SCAPER: variants seen among roughly 807,000 people sequenced by gnomAD.
SCAPER encodes the protein S-phase cyclin A associated protein in the ER.
SCAPER carries 98 observed loss-of-function variants against 182.2 expected under a neutral mutation model. The observed-to-expected ratio is 0.54, with a 90% confidence interval of 0.46 to 0.64. The LOEUF is 0.64. Among genes scored for constraint, SCAPER ranks in the 30% least tolerant of loss-of-function variants. The probability of loss-of-function intolerance (pLI) is 0.00; values close to 1 mark genes in which losing one functional copy is unlikely to be tolerated. For synonymous variants in SCAPER, 605 were observed against 564.6 expected, an observed-to-expected ratio of 1.07 and a Z score of -1.01; for missense variants, 1,432 against 1,690.0, an observed-to-expected ratio of 0.85 and a Z score of 2.68.
chr15:76,361,298 C>T lies in SCAPER; in HGVS notation c.3856-7158G>A, dbSNP rs58240508. On this transcript the variant is annotated intron_variant, in intron 29 of 31. Coordinates refer to ENST00000563290, the MANE Select transcript of SCAPER (RefSeq NM_020843.4). The stretch of plus-strand genomic sequence containing the variant: ...AGTCAAGAACGTGAAAAGAAGCAAG[C>T]GGGCCTTTCAGCAGAGAGATGAGTC... Among the ~76,000 whole-genome samples the T allele has an allele frequency of 3.6e-3, 552 of 152,272 alleles. 2 individuals carry two copies. Among genetic ancestry groups the T allele is most frequent in the African/African-American group, 0.013 (524 of 41,546 alleles).
intron 23 of SCAPER, among the ~76,000 whole-genome samples, chr15:76,553,564 G>A (rs924395671): frequency 2.0e-5 from 3 of 152,092 alleles, no homozygotes; most frequent in African/African-American, 7.2e-5. Context: ...ACTTTGGCTG[G>A]CACAACCCGA....
chr15:76,673,674 C>A (rs977037936), intron 20 of SCAPER, among the ~76,000 whole-genome samples: 8 of 152,198 alleles, frequency 5.3e-5, no homozygotes, highest in Middle Eastern at 3.4e-3. Context: ...AACCCAGTAG[C>A]AATGAGCATC....
At chr15:76,397,085 T>A (rs985593850) in intron 27 of SCAPER, among the ~76,000 whole-genome samples, 1 of 151,686 alleles carries the variant, frequency 6.6e-6, no homozygotes, top group African/African-American at 2.4e-5. Flanking sequence ...CCTGAAATGA[T>A]CATTTAGTTT....
intron 15 of SCAPER, among the ~76,000 whole-genome samples, chr15:76,733,992 A>G (rs2061083098): frequency 6.6e-6 from 1 of 152,254 alleles, no homozygotes; most frequent in Admixed American, 6.5e-5. Context: ...AAATTCTTAT[A>G]CAGACCATCT....
At chr15:76,781,315 G>A (rs535051614) in intron 8 of SCAPER, among the ~76,000 whole-genome samples, 5 of 152,196 alleles carry the variant, frequency 3.3e-5, no homozygotes, top group Admixed American at 2.6e-4. Context: ...TTAATAAAAC[G>A]AAAGGAGAAG....
rs1363264921 is a variant in SCAPER, at chr15:76,840,425, A to C, written c.393+1309T>G. 7.0e-4 allele frequency among the ~76,000 whole-genome samples: 106 copies of C among 152,260 alleles called. 1 individual carries two copies. The East Asian group carries it at 0.02, about 29-fold the overall frequency. On this transcript the variant is annotated intron_variant, in intron 5 of 31. Coordinates refer to ENST00000563290, the MANE Select transcript of SCAPER (RefSeq NM_020843.4). ...CAGAAAAAGACCTGCCTCAAAAAAAAAAAAAAAAAAGTTTTTGTATGTTGA... is the reference window on the plus strand; with the variant it reads ...CAGAAAAAGACCTGCCTCAAAAAAACAAAAAAAAAAGTTTTTGTATGTTGA...
At chr15:76,396,696 G>C (rs1475064012) in intron 27 of SCAPER, among the ~76,000 whole-genome samples, 1 of 152,058 alleles carries the variant, frequency 6.6e-6, no homozygotes. Context: ...TTGGTTTATC[G>C]GTTCTAATAG....
intron 1 of SCAPER, among the ~76,000 whole-genome samples, chr15:76,903,999 TA>T (rs1231845363): frequency 6.6e-6 from 1 of 152,198 alleles, no homozygotes; most frequent in African/African-American, 2.4e-5. Context: ...CAAATCACAT[TA>T]AAACTTGACT....
intron 25 of SCAPER, among the ~76,000 whole-genome samples, chr15:76,446,343 G>C (rs1216421880): frequency 6.6e-6 from 1 of 152,086 alleles, no homozygotes; most frequent in African/African-American, 2.4e-5. Context: ...ACTATTTCCA[G>C]GGCACTGCAA....
chr15:76,511,299 GAC>G (rs2042008578), intron 23 of SCAPER, among the ~76,000 whole-genome samples: 1 of 152,050 alleles, frequency 6.6e-6, no homozygotes, highest in South Asian at 2.1e-4. Context: ...GATGCAAAAA[GAC>G]ATAAAATTAC....
At chr15:76,349,766 A>G (rs7181686) in intron 31 of SCAPER, 26,495 of 151,738 alleles carry the variant, frequency 0.17, 2,845 homozygotes, top group Middle Eastern at 0.26. Flanking sequence ...GGTTAAGCCT[A>G]CTGTAACTGG....
chr15:76,529,453 T>C (rs1478728227), intron 23 of SCAPER, among the ~76,000 whole-genome samples: 2 of 152,208 alleles, frequency 1.3e-5, no homozygotes, highest in Admixed American at 6.5e-5. Context: ...AGAAAGTCAT[T>C]AGCAATATGG....
At chr15:76,411,687 C>CA (rs2045301352) in intron 26 of SCAPER, among the ~76,000 whole-genome samples, 2 of 152,112 alleles carry the variant, frequency 1.3e-5, no homozygotes, top group African/African-American at 4.8e-5. Context: ...TTTAAATTTA[C>CA]AAATTTATAG....
chr15:76,835,933 C>CAAAAA (rs35242954), intron 5 of SCAPER, among the ~76,000 whole-genome samples: 1 of 94,290 alleles, frequency 1.1e-5, no homozygotes, highest in African/African-American at 4.4e-5. Context: ...ACATTAGCCA[C>CAAAAA]AAAAAAAAAA....
intron 14 of SCAPER, among the ~76,000 whole-genome samples, chr15:76,757,861 G>A (rs1454617312): frequency 6.6e-6 from 1 of 152,104 alleles, no homozygotes; most frequent in African/African-American, 2.4e-5. Context: ...CATTATAGAT[G>A]CTGAGCACCT....
intron 29 of SCAPER, among the ~76,000 whole-genome samples, chr15:76,361,981 T>C (rs2041451331): frequency 6.6e-6 from 1 of 152,144 alleles, no homozygotes; most frequent in African/African-American, 2.4e-5. Flanking sequence ...AAACACATTT[T>C]TTTTTTTTTT....
At chr15:76,535,339 C>T (rs1266452438) in intron 23 of SCAPER, among the ~76,000 whole-genome samples, 11 of 151,182 alleles carry the variant, frequency 7.3e-5, no homozygotes, top group East Asian at 1.9e-4. Context: ...CTGGCTAACA[C>T]GGTGAGACCC....
chr15:76,826,581 A>C, intron 5 of SCAPER, among the ~76,000 whole-genome samples: 1 of 152,218 alleles, frequency 6.6e-6, no homozygotes, highest in Middle Eastern at 3.4e-3. Flanking sequence ...AAAAAAAAAA[A>C]AAACGGAATT....
chr15:76,655,882 G>C (rs2055591978), intron 21 of SCAPER, among the ~76,000 whole-genome samples: 1 of 152,062 alleles, frequency 6.6e-6, no homozygotes, highest in Non-Finnish European at 1.5e-5. Flanking sequence ...CCACAGACTT[G>C]CCTTAAAAAA....
Sources: gnomAD v4.1 joint callset for allele counts (sites outside exome capture counted in the v4.1 genomes callset) on GRCh38, gnomAD v4.1.1 for gene constraint, MANE v1.5 for transcripts, NCBI Gene and HGNC (gene_info 2026-07-23, HGNC 2026-07-21) for gene names.